Variants in GMDS observed in about 807,000 individuals in gnomAD.
GMDS encodes GDP-mannose 4,6-dehydratase, also known as GDP-mannose 4,6 dehydratase.
A neutral mutation model predicts 49.9 loss-of-function variants in GMDS; 20 were observed. The observed-to-expected ratio is 0.40, with a 90% CI of 0.28 to 0.58. The LOEUF (loss-of-function observed/expected upper bound fraction) is 0.58. GMDS is among the 20% of genes least tolerant of loss of function. GMDS has a pLI of 0.42. For missense variants in GMDS, 362 were observed against 481.4 expected, an observed-to-expected ratio of 0.75 and a Z score of 2.32; for synonymous variants, 177 against 178.6, an observed-to-expected ratio of 0.99 and a Z score of 0.07.
intron 1 of GMDS, among the ~76,000 whole-genome samples, chr6:2,228,819 G>C (rs1219795029): frequency 1.3e-5 from 2 of 152,116 alleles, no homozygotes; most frequent in African/African-American, 4.8e-5. Context: ...AATACCCCCC[G>C]TTGACAGCTT....
intron 9 of GMDS, among the ~76,000 whole-genome samples, chr6:1,636,393 G>C (rs1581394460): frequency 1.3e-5 from 2 of 152,224 alleles, no homozygotes; most frequent in East Asian, 3.8e-4. Context: ...GATTGAGCCA[G>C]GGCTGACAAA....
intron 1 of GMDS, among the ~76,000 whole-genome samples, chr6:2,232,304 A>G (rs886395905): frequency 6.6e-6 from 1 of 152,156 alleles, no homozygotes; most frequent in Non-Finnish European, 1.5e-5. Context: ...GACATTCAGG[A>G]TTTTTACTCA....
At chr6:1,736,670 C>A (rs3800031) in intron 8 of GMDS, among the ~76,000 whole-genome samples, 62,807 of 152,028 alleles carry the variant, frequency 0.41, 13,712 homozygotes, top group East Asian at 0.59. Context: ...GGAGTTAAAT[C>A]TATCTCAGGG....
intron 9 of GMDS, among the ~76,000 whole-genome samples, chr6:1,676,300 A>G (rs1764621857): frequency 6.6e-6 from 1 of 152,246 alleles, no homozygotes; most frequent in Admixed American, 6.5e-5. Context: ...AACAAATGGA[A>G]GAACATTCCA....
intron 1 of GMDS, among the ~76,000 whole-genome samples, chr6:2,144,542 A>T (rs1218401334): frequency 1.3e-5 from 2 of 152,174 alleles, no homozygotes; most frequent in Admixed American, 1.3e-4. Flanking sequence ...CTAGCCTTGA[A>T]TGATGTAAGC....
At position 2,182,451 on chromosome 6, in the gene GMDS, C is replaced by A. The variant is rs1457837482; in HGVS notation, c.103-57720G>T. On this transcript the variant is annotated intron_variant, in intron 1 of 10. Coordinates refer to ENST00000380815, the MANE Select transcript of GMDS (RefSeq NM_001500.4). ...GGAAGAAGACGTCATCTGGGACTTTCATAGCTGCAGAGATGTCAATGCCTA... is the reference window on the plus strand; with the variant it reads ...GGAAGAAGACGTCATCTGGGACTTTAATAGCTGCAGAGATGTCAATGCCTA... Among the ~76,000 whole-genome samples, 8 of 152,234 alleles carry A rather than the reference C, an allele frequency of 5.3e-5. No individual in the cohort carries two copies. In the East Asian group the frequency reaches 1.5e-3, roughly 29 times the overall value.
chr6:1,781,923 G>C (rs1332501412), intron 7 of GMDS, among the ~76,000 whole-genome samples: 1 of 151,746 alleles, frequency 6.6e-6, no homozygotes, highest in Non-Finnish European at 1.5e-5. Flanking sequence ...TTGACGAGCA[G>C]GAGTAAAGTG....
At chr6:1,964,671 T>C (rs1009414097) in intron 4 of GMDS, among the ~76,000 whole-genome samples, 2 of 152,224 alleles carry the variant, frequency 1.3e-5, no homozygotes, top group Non-Finnish European at 2.9e-5. Context: ...TTTAGATCAC[T>C]AATAGGTCAT....
intron 1 of GMDS, among the ~76,000 whole-genome samples, chr6:2,197,107 C>T (rs1399005555): frequency 2.0e-5 from 3 of 152,190 alleles, no homozygotes; most frequent in African/African-American, 7.2e-5. Flanking sequence ...ATGTGAAGAA[C>T]GAATAAAGTC....
intron 7 of GMDS, among the ~76,000 whole-genome samples, chr6:1,780,860 C>T (rs1006811764): frequency 6.6e-6 from 1 of 152,140 alleles, no homozygotes; most frequent in African/African-American, 2.4e-5. Context: ...TGAACTGTAA[C>T]CCAGGATTTA....
chr6:2,178,182 A>G (rs1778368252), intron 1 of GMDS, among the ~76,000 whole-genome samples: 1 of 152,214 alleles, frequency 6.6e-6, no homozygotes, highest in Admixed American at 6.5e-5. Flanking sequence ...CTTATTGTGT[A>G]CTGTATTAGT....
chr6:1,744,525 G>A (rs3800033), intron 7 of GMDS, among the ~76,000 whole-genome samples: 64,813 of 151,760 alleles, frequency 0.43, 14,449 homozygotes, highest in East Asian at 0.65. Flanking sequence ...CACTGTTTTG[G>A]GATAGTCCAC....
intron 1 of GMDS, among the ~76,000 whole-genome samples, chr6:2,189,242 G>C (rs1007910032): frequency 6.6e-6 from 1 of 152,180 alleles, no homozygotes; most frequent in African/African-American, 2.4e-5. Context: ...GGTGTTTTGA[G>C]TCTGGGTTAC....
intron 9 of GMDS, among the ~76,000 whole-genome samples, chr6:1,639,828 A>G (rs1171305345): frequency 1.1e-4 from 17 of 152,206 alleles, no homozygotes; most frequent in Admixed American, 1.1e-3. Context: ...CAGTGAGCCA[A>G]GATCATACCA....
chr6:1,661,877 C>T (rs951465122), intron 9 of GMDS, among the ~76,000 whole-genome samples: 4 of 152,078 alleles, frequency 2.6e-5, no homozygotes, highest in African/African-American at 9.7e-5. Context: ...CGGGTGGGTG[C>T]CTGAGGGGGC....
intron 7 of GMDS, among the ~76,000 whole-genome samples, chr6:1,790,471 T>C (rs1028208641): frequency 1.3e-5 from 2 of 152,180 alleles, no homozygotes; most frequent in African/African-American, 4.8e-5. Flanking sequence ...CTTTTAAAAC[T>C]CTTTGACTCT....
At chr6:1,951,208 C>T (rs1441948426) in intron 6 of GMDS, among the ~76,000 whole-genome samples, 1 of 151,874 alleles carries the variant, frequency 6.6e-6, no homozygotes, top group Non-Finnish European at 1.5e-5. Context: ...GTAATTTTTA[C>T]ATGAATTATT....
At chr6:2,092,544 C>A (rs1003034085) in intron 4 of GMDS, among the ~76,000 whole-genome samples, 34 of 152,100 alleles carry the variant, frequency 2.2e-4, no homozygotes, top group African/African-American at 8.2e-4. Flanking sequence ...ATAATTTTAG[C>A]GCATTTATTG....
intron 9 of GMDS, among the ~76,000 whole-genome samples, chr6:1,722,281 G>T (rs1316140211): frequency 1.0e-5 from 1 of 97,516 alleles, no homozygotes; most frequent in Non-Finnish European, 2.4e-5. Context: ...TAGAGATGGG[G>T]TTTCTCCATC....
Sources: gnomAD v4.1 joint callset for allele counts (sites outside exome capture counted in the v4.1 genomes callset) on GRCh38, gnomAD v4.1.1 for gene constraint, MANE v1.5 for transcripts, NCBI Gene and HGNC (gene_info 2026-07-23, HGNC 2026-07-21) for gene names.